The following RAB4B variants were observed in gnomAD, a reference collection of about 807,000 sequenced individuals.
The protein encoded by RAB4B is RAB4B, member RAS oncogene family.
A neutral mutation model predicts 28.3 loss-of-function variants in RAB4B; 15 were observed. The observed-to-expected ratio is 0.53, with a 90% CI of 0.35 to 0.82. RAB4B has a LOEUF of 0.82. RAB4B is among the 40% of genes least tolerant of loss of function. The pLI, the probability that RAB4B is intolerant of heterozygous loss-of-function variation, is 0.01. For missense variants in RAB4B, 244 were observed against 288.5 expected, an observed-to-expected ratio of 0.85 and a Z score of 1.12; for synonymous variants, 108 against 116.3, an observed-to-expected ratio of 0.93 and a Z score of 0.46.
At position 40,789,510 on chromosome 19, in the gene RAB4B, T is replaced by TC. The variant is rs1322157741; in HGVS notation, c.*15+2532_*15+2533insC. 5.5e-5 allele frequency among the ~76,000 whole-genome samples: 4 copies of TC among 73,264 alleles called. No homozygotes were observed. The East Asian group carries it at 2.8e-3, about 52-fold the overall frequency. The allele number at this position is 73,264 out of a possible 152,430, so 48.1% of individuals were successfully genotyped here. A position where few individuals can be genotyped will look rare whatever the true frequency, so the allele number is the denominator to read the frequency against. ...AGCCACCACGCCCAGCCTTTTTTTT[T>TC]TTTTTTTTTTTTGAGACAGAGTCTC... On this transcript the variant is annotated intron_variant, in intron 7 of 7. Coordinates refer to ENST00000357052, the MANE Select transcript of RAB4B (RefSeq NM_016154.5).
intron 7 of RAB4B, among the ~76,000 whole-genome samples, chr19:40,794,997 CAAAAAA>C (rs59417778): frequency 6.0e-5 from 6 of 99,938 alleles, no homozygotes; most frequent in East Asian, 2.7e-4. Context: ...ACTAAAAATA[CAAAAAA>C]AAAAAAAAAA....
intron 5 of RAB4B, 123 bp downstream of exon 5, chr19:40,784,198 A>G (rs2083077372): frequency 7.6e-7 from 1 of 1,313,504 alleles, no homozygotes; most frequent in Admixed American, 2.8e-5. Flanking sequence ...TCTGGGTTCA[A>G]ATTTGAGTGT....
chr19:40,780,221 G>A (rs2083033951), intron 2 of RAB4B, 122 bp downstream of exon 2: 4 of 1,488,968 alleles, frequency 2.7e-6, no homozygotes, highest in Non-Finnish European at 3.6e-6. Context: ...CTGGCTTTTT[G>A]GTCCTTGCTT....
chr19:40,784,131 A>G (rs950962115), intron 5 of RAB4B, 56 bp downstream of exon 5: 3 of 1,526,562 alleles, frequency 2.0e-6, no homozygotes, highest in Middle Eastern at 1.8e-4. Context: ...CACAGGGACC[A>G]TGGGTTTACT....
At chr19:40,779,555 C>A in intron 1 of RAB4B, 1 of 167,130 alleles carries the variant, frequency 6.0e-6, no homozygotes. Flanking sequence ...ACCAGCCTGA[C>A]CAACATGGAG....
In RAB4B at chr19:40,780,484, G is replaced by T. The variant is rs1361542648; in HGVS notation, c.197G>T (p.Gly66Val). 3.1e-6 allele frequency: 5 copies of T among 1,613,572 alleles called. No individual in the cohort carries two copies. The highest frequency in any genetic ancestry group is 4.2e-6 in the Non-Finnish European group (5 of 1,179,846). ...TVKLQIWDTA[G>V]QERFRSVTRS... is the part of the protein sequence containing the mutation. ...AAGCTACAGATTTGGGACACGGCTG[G>T]CCAGGAGCGGTTTCGGTAGGTGGGC... is the stretch of plus-strand genomic sequence containing the variant. The change falls in exon 3 of 8, where the codon GGC becomes GTC. Residue 66 changes from glycine to valine, a missense_variant. By Grantham distance (109) the Gly-to-Val change is moderately radical. Transcript: ENST00000357052.
At chr19:40,793,496 C>A (rs1396969479) in intron 7 of RAB4B, among the ~76,000 whole-genome samples, 1 of 152,034 alleles carries the variant, frequency 6.6e-6, no homozygotes, top group Non-Finnish European at 1.5e-5. Flanking sequence ...CCACCTCAGC[C>A]TCCCAAAGTG....
At position 40,780,413 on chromosome 19, in the gene RAB4B, C is replaced by T. The variant is rs148308726; in HGVS notation, c.126C>T (p.Gly42=). 2.0e-5 allele frequency: 33 copies of T among 1,612,360 alleles called. No homozygotes were observed. The highest frequency in any genetic ancestry group is 1.6e-4 in the African/African-American group (12 of 74,816). Reference sequence around the variant, plus strand: ...AACAGGACTCCAACCACACAATCGGCGTGGAGTTTGGATCCCGGGTGGTCA... The same window carrying T: ...AACAGGACTCCAACCACACAATCGGTGTGGAGTTTGGATCCCGGGTGGTCA... ...KFKQDSNHTI[G]VEFGSRVVNV... Residue 42 remains glycine (G), a synonymous_variant, in exon 3 of 8, where the codon GGC becomes GGT. Transcript: ENST00000357052.
intron 7 of RAB4B, among the ~76,000 whole-genome samples, chr19:40,788,588 C>G (rs1245056613): frequency 7.4e-6 from 1 of 135,818 alleles, no homozygotes; most frequent in Non-Finnish European, 1.6e-5. Context: ...GAGGAGTGTA[C>G]TTTTTTTTTT....
At chr19:40,795,450 A>G (rs1458374993) in intron 7 of RAB4B, among the ~76,000 whole-genome samples, 1 of 151,300 alleles carries the variant, frequency 6.6e-6, no homozygotes, top group Non-Finnish European at 1.5e-5. Context: ...CCCGGGCTGG[A>G]GTGCAGTGGT....
At chr19:40,787,010 C>A in intron 7 of RAB4B, 32 bp downstream of exon 7, 1 of 1,579,666 alleles carries the variant, frequency 6.3e-7, no homozygotes, top group Non-Finnish European at 8.7e-7. Context: ...GGAGGCAGGG[C>A]GGCCTCTTGG....
At position 40,795,301 on chromosome 19, in the gene RAB4B, A is replaced by G. The variant is rs145720368; in HGVS notation, c.*16-1269A>G. 3.0e-3 allele frequency among the ~76,000 whole-genome samples: 450 copies of G among 152,184 alleles called. 5 individuals are homozygous for G. The highest frequency in any genetic ancestry group is 9.7e-3 in the African/African-American group (402 of 41,552). ...TGTCTCCCCAGCTTGGGGAACAGTGAAATGAGACTTAGAGCCAGGGTGATC... is the reference window on the plus strand; with the variant it reads ...TGTCTCCCCAGCTTGGGGAACAGTGGAATGAGACTTAGAGCCAGGGTGATC... On this transcript the variant is annotated intron_variant, in intron 7 of 7. Coordinates refer to ENST00000357052, the MANE Select transcript of RAB4B (RefSeq NM_016154.5).
At chr19:40,793,572 G>GTTTTTTTT (rs373163247) in intron 7 of RAB4B, among the ~76,000 whole-genome samples, 1 of 125,412 alleles carries the variant, frequency 8.0e-6, no homozygotes, top group African/African-American at 3.2e-5. Flanking sequence ...TTTCTTTTTT[G>GTTTTTTTT]TTTTTTTTTT....
In RAB4B at chr19:40,793,864, T is replaced by C. The variant is rs369483071; in HGVS notation, c.*16-2706T>C. Among the ~76,000 whole-genome samples the C allele has an allele frequency of 2.6e-5, 4 of 151,610 alleles. No homozygotes were observed. In the East Asian group the frequency reaches 5.8e-4, roughly 22 times the overall value. On this transcript the variant is annotated intron_variant, in intron 7 of 7. Transcript: ENST00000357052. ...GCTTGATCCCTGGAATCAGAGGTTT[T>C]AGTGAGCCGAGATCGCACCACTGCA...
intron 7 of RAB4B, among the ~76,000 whole-genome samples, chr19:40,789,593 T>A (rs1445294081): frequency 6.8e-6 from 1 of 147,290 alleles, no homozygotes; most frequent in African/African-American, 2.5e-5. Context: ...AACCTCTGCC[T>A]CCTGGGTTCA....
chr19:40,794,950 C>G (rs545196191), intron 7 of RAB4B, among the ~76,000 whole-genome samples: 7 of 140,346 alleles, frequency 5.0e-5, no homozygotes, highest in Non-Finnish European at 9.0e-5. Context: ...GAAGACCATC[C>G]TGGCTTGATC....
At chr19:40,787,961 CA>C (rs56997006) in intron 7 of RAB4B, among the ~76,000 whole-genome samples, 199 of 69,440 alleles carry the variant, frequency 2.9e-3, no homozygotes, top group African/African-American at 8.8e-3. Context: ...GACTCTGTCT[CA>C]AAAAAAAAAA....
intron 1 of RAB4B, 106 bp downstream of exon 1, chr19:40,778,497 T>C (rs1015362595): frequency 7.6e-6 from 9 of 1,189,282 alleles, no homozygotes; most frequent in African/African-American, 6.4e-5. Flanking sequence ...TCTGGTGTGA[T>C]GGAGGCAGGA....
At chr19:40,787,088 G>A in intron 7 of RAB4B, 110 bp downstream of exon 7, 1 of 1,044,540 alleles carries the variant, frequency 9.6e-7, no homozygotes, top group Admixed American at 2.2e-5. Context: ...GTGAGAGAAA[G>A]ATGCAAAAAC....
Sources: allele counts gnomAD v4.1 joint callset (sites outside exome capture counted in the v4.1 genomes callset), GRCh38; gene constraint gnomAD v4.1.1; transcripts MANE v1.5; gene names NCBI Gene and HGNC (gene_info 2026-07-23, HGNC 2026-07-21).